E2F2: variants seen among roughly 807,000 people sequenced by gnomAD.
E2F2 encodes the protein E2F transcription factor 2.
Under a neutral mutation model 42.2 loss-of-function variants are expected in E2F2, and 22 were observed. The ratio of observed to expected loss-of-function variants is 0.52; its 90% confidence interval spans 0.37 to 0.74. The LOEUF (loss-of-function observed/expected upper bound fraction) is 0.74, where lower values mean the gene tolerates loss of function less well. Ranked by LOEUF, E2F2 falls within the 30% of genes least tolerant of loss-of-function variation. The probability of loss-of-function intolerance (pLI) is 0.00; values close to 1 mark genes in which losing one functional copy is unlikely to be tolerated. For synonymous variants in E2F2, 248 were observed against 251.6 expected (o/e 0.99, Z 0.13); for missense variants, 481 against 557.8 (o/e 0.86, Z 1.39).
chr1:23,517,864 A>G (rs193274505), intron 5 of E2F2, among the ~76,000 whole-genome samples: 20 of 152,304 alleles, frequency 1.3e-4, no homozygotes, highest in African/African-American at 4.8e-4. Context: ...CTCGAGGGGA[A>G]GAGCATGTAT....
chr1:23,516,774 C>T (rs1367072724), intron 5 of E2F2, among the ~76,000 whole-genome samples: 1 of 133,796 alleles, frequency 7.5e-6, no homozygotes, highest in Non-Finnish European at 1.5e-5. Flanking sequence ...CTTCCCCCCA[C>T]TCTCAGGTCA....
intron 4 of E2F2, 58 bp from the exon 5 acceptor site, chr1:23,519,188 G>T: frequency 2.3e-6 from 3 of 1,310,930 alleles, no homozygotes; most frequent in East Asian, 2.3e-5. Context: ...CCCCAAACCT[G>T]CCAGGGAGCA....
At chr1:23,514,979 C>T (rs1281180585) in intron 6 of E2F2, among the ~76,000 whole-genome samples, 1 of 152,024 alleles carries the variant, frequency 6.6e-6, no homozygotes, top group African/African-American at 2.4e-5. Context: ...TCATTAAAAG[C>T]AGGTCAGATT....
At chr1:23,524,084 A>G (rs1371400439) in intron 2 of E2F2, among the ~76,000 whole-genome samples, 1 of 96,824 alleles carries the variant, frequency 1.0e-5, no homozygotes, top group Non-Finnish European at 2.3e-5. Flanking sequence ...CAACAACAAC[A>G]ACAACAACAA....
chr1:23,507,680 G>A lies in E2F2; in HGVS notation c.*2200C>T, dbSNP rs1642826680. 1 of 152,362 alleles carries A rather than the reference G, an allele frequency of 6.6e-6. No individual in the cohort carries two copies. Among genetic ancestry groups the A allele is most frequent in the South Asian group, 2.1e-4 (1 of 4,834 alleles). The allele number at this position is 152,362 out of a possible 1,614,324, so 9.4% of individuals were successfully genotyped here. A position where few individuals can be genotyped will look rare whatever the true frequency, so the allele number is the denominator to read the frequency against. On this transcript the variant is annotated 3_prime_UTR_variant, in exon 7 of 7. Transcript: ENST00000361729. ...CTTAGCCTGGGAGGTCTAGCCCCTT[G>A]GCCAGGCAAGGTGTGAAAGGGACAG...
intron 5 of E2F2, 62 bp downstream of exon 5, chr1:23,518,954 C>T (rs1643080978): frequency 2.2e-6 from 3 of 1,371,434 alleles, no homozygotes; most frequent in East Asian, 4.7e-5. Context: ...TCTGCAGAGC[C>T]GCCTGGAACG....
In E2F2 at chr1:23,507,535, A is replaced by G. The variant is rs1360013505; in HGVS notation, c.*2345T>C. The G allele has an allele frequency of 1.3e-5, 2 of 151,918 alleles. No individual in the cohort carries two copies. The highest frequency in any genetic ancestry group is 2.9e-5 in the Non-Finnish European group (2 of 68,166). 9.4% of individuals were successfully genotyped at this position (151,918 alleles called of 1,614,324 possible). On this transcript the variant is annotated 3_prime_UTR_variant, in exon 7 of 7. Transcript: ENST00000361729. ...CATCTCAAAAAAAAAAAAAAAGAAG[A>G]AAAAAAGAAAAGAAAATACCACTCA...
At chr1:23,518,994 C>T in intron 5 of E2F2, 22 bp downstream of exon 5, 1 of 1,605,362 alleles carries the variant, frequency 6.2e-7, no homozygotes, top group Non-Finnish European at 8.5e-7. Flanking sequence ...CCCTGCTCTC[C>T]ACCAAATATT....
Position 23,509,305 on chromosome 1 carries a change from A to T in E2F2, c.*575T>A, listed in dbSNP as rs1193740804. On this transcript the variant is annotated 3_prime_UTR_variant, in exon 7 of 7. Coordinates refer to ENST00000361729, the MANE Select transcript of E2F2 (RefSeq NM_004091.4). The stretch of plus-strand genomic sequence containing the variant: ...GCCTAAGTGCAATTAGCATTCTAGC[A>T]GACTGGACAGCCCCTCAGAGTCCCA... The T allele has an allele frequency of 6.6e-6, 1 of 152,278 alleles. No individual in the cohort carries two copies. The highest frequency in any genetic ancestry group is 6.5e-5 in the Admixed American group (1 of 15,278). 9.4% of individuals were successfully genotyped at this position (152,278 alleles called of 1,614,324 possible). A position where few individuals can be genotyped will look rare whatever the true frequency, so the allele number is the denominator to read the frequency against.
rs1357024200 is a variant in E2F2, at chr1:23,525,155, CT to C, written c.253-668del. On this transcript the variant is annotated intron_variant, in intron 1 of 6. Coordinates refer to ENST00000361729, the MANE Select transcript of E2F2 (RefSeq NM_004091.4). ...TGCCGAGAGGGGCAGACAATGAATC[CT>C]TCCCGTGTCTTAAGGACAAGCAGCT... is the stretch of plus-strand genomic sequence containing the variant. Among the ~76,000 whole-genome samples, 12 of 152,138 alleles carry C rather than the reference CT, an allele frequency of 7.9e-5. No homozygotes were observed. The South Asian group carries it at 8.3e-4, about 11-fold the overall frequency.
chr1:23,530,857 T>C lies in E2F2; in HGVS notation c.-64A>G, dbSNP rs112759581. On this transcript the variant is annotated 5_prime_UTR_variant, in exon 1 of 7. Coordinates refer to ENST00000361729, the MANE Select transcript of E2F2 (RefSeq NM_004091.4). This position sits in a 1 kb window ranked among gnomAD's most constrained non-coding sequence, Gnocchi z 4.4. ...GCCCGCGGACACCTGCGGGTTCCGG[T>C]GCTGCCGCCTTTCACACGGCCCGCG... 3,409 of 1,415,026 alleles carry C rather than the reference T, an allele frequency of 2.4e-3. 75 individuals are homozygous for C. In the African/African-American group the frequency reaches 0.044, roughly 18 times the overall value. The allele number at this position is 1,415,026 out of a possible 1,614,324, so 87.7% of individuals were successfully genotyped here.
chr1:23,515,107 TAA>T (rs1452519871), intron 6 of E2F2, among the ~76,000 whole-genome samples: 1 of 152,346 alleles, frequency 6.6e-6, no homozygotes, highest in East Asian at 1.9e-4. Context: ...TACCTTGGTC[TAA>T]ACGCTAGGGT....
downstream of E2F2, among the ~76,000 whole-genome samples, chr1:23,505,611 A>C (rs2999141): frequency 0.34 from 51,716 of 151,768 alleles, 9,470 homozygotes; most frequent in South Asian, 0.52. Flanking sequence ...CTCCTGGGTT[A>C]AAGTGATTCT....
Position 23,510,152 on chromosome 1 carries a change from G to C in E2F2, c.1046-4C>G, listed in dbSNP as rs1408651921. The C allele has an allele frequency of 6.3e-7, 1 of 1,588,100 alleles. No homozygotes were observed. Among genetic ancestry groups the C allele is most frequent in the Non-Finnish European group, 8.6e-7 (1 of 1,167,508 alleles). On this transcript the variant is annotated splice_polypyrimidine_tract_variant and splice_region_variant and intron_variant, in intron 6 of 6. Coordinates refer to ENST00000361729, the MANE Select transcript of E2F2 (RefSeq NM_004091.4). Reference sequence around the variant, plus strand: ...GGGGTTGGCGCTGGTGCTGGCACTGGAGACAAACAGACAAAGGTTACGCCT... The same window carrying C: ...GGGGTTGGCGCTGGTGCTGGCACTGCAGACAAACAGACAAAGGTTACGCCT...
At chr1:23,520,332 T>A (rs1354642756) in intron 4 of E2F2, among the ~76,000 whole-genome samples, 1 of 150,728 alleles carries the variant, frequency 6.6e-6, no homozygotes, top group Non-Finnish European at 1.5e-5. Context: ...TAAAACACAT[T>A]CTGTGTGCAG....
chr1:23,516,108 G>A (rs1274993020), intron 6 of E2F2, among the ~76,000 whole-genome samples: 1 of 152,240 alleles, frequency 6.6e-6, no homozygotes, highest in East Asian at 1.9e-4. Flanking sequence ...TAGCTGGTAA[G>A]TGGATGGGCT....
intron 4 of E2F2, among the ~76,000 whole-genome samples, chr1:23,519,787 G>A (rs1249973360): frequency 1.3e-5 from 2 of 152,034 alleles, no homozygotes; most frequent in African/African-American, 4.8e-5. Context: ...AAAATCAGCT[G>A]GGTGTGAAGG....
At position 23,516,677 on chromosome 1, in the gene E2F2, A is replaced by G. The variant is rs1643026457; in HGVS notation, c.853-150T>C. Reference sequence around the variant, plus strand: ...GAGACCAACTCCATCTGGCCTAACTAAGGTGGACTTCCGCTGTTTCTGCTG... The same window carrying G: ...GAGACCAACTCCATCTGGCCTAACTGAGGTGGACTTCCGCTGTTTCTGCTG... On this transcript the variant is annotated intron_variant, in intron 5 of 6. Transcript: ENST00000361729. 5.2e-6 allele frequency: 3 copies of G among 578,916 alleles called. No individual in the cohort carries two copies. In the South Asian group the frequency reaches 7.6e-5, roughly 15 times the overall value. The allele number at this position is 578,916 out of a possible 1,614,324, so 35.9% of individuals were successfully genotyped here.
intron 6 of E2F2, among the ~76,000 whole-genome samples, chr1:23,514,802 A>G (rs1393405323): frequency 2.1e-5 from 3 of 139,978 alleles, no homozygotes; most frequent in African/African-American, 5.5e-5. Context: ...ATACCATTGC[A>G]CTCCAGCCTG....
Sources: gnomAD v4.1 joint callset for allele counts (sites outside exome capture counted in the v4.1 genomes callset) on GRCh38, gnomAD v4.1.1 for gene constraint, Gnocchi (gnomAD v3.1) non-coding constraint, MANE v1.5 for transcripts, NCBI Gene and HGNC (gene_info 2026-07-23, HGNC 2026-07-21) for gene names.